Variants in ARHGEF3 observed in about 807,000 individuals in gnomAD.
The protein encoded by ARHGEF3 is 59.8 kDA protein.
ARHGEF3 carries 28 observed loss-of-function variants against 63.2 expected under a neutral mutation model. The ratio of observed to expected loss-of-function variants is 0.44; its 90% CI spans 0.33 to 0.61. ARHGEF3 has a LOEUF of 0.61. Among genes scored for constraint, ARHGEF3 ranks in the 20% least tolerant of loss-of-function variants. The probability of loss-of-function intolerance (pLI) is 0.03; values close to 1 mark genes in which losing one functional copy is unlikely to be tolerated. For synonymous variants in ARHGEF3, 266 were observed against 254.2 expected (o/e 1.05, Z -0.44); for missense variants, 533 against 659.3 (o/e 0.81, Z 2.10).
intron 1 of ARHGEF3, chr3:57,074,640 A>G (rs1469522484): frequency 4.7e-6 from 1 of 213,240 alleles, no homozygotes; most frequent in East Asian, 1.2e-4. Context: ...TCATCTCTTT[A>G]TTGTTTCTAT....
chr3:56,968,256 TATTTA>T (rs1700731280), intron 2 of ARHGEF3, among the ~76,000 whole-genome samples: 52 of 44,662 alleles, frequency 1.2e-3, no homozygotes, highest in South Asian at 5.0e-3. Flanking sequence ...TAATATATAA[TATTTA>T]AATATATAAT....
intron 4 of ARHGEF3, among the ~76,000 whole-genome samples, chr3:56,863,650 G>T (rs1435127887): frequency 6.6e-6 from 1 of 151,308 alleles, no homozygotes; most frequent in African/African-American, 2.4e-5. Context: ...GGCCAGGCTG[G>T]TCTTGAACTC....
intron 2 of ARHGEF3, among the ~76,000 whole-genome samples, chr3:56,967,392 ATAT>A (rs1700566357): frequency 1.6e-5 from 1 of 63,616 alleles, no homozygotes; most frequent in Non-Finnish European, 2.6e-5. Flanking sequence ...TACATATTAT[ATAT>A]TATATAATAT....
intron 2 of ARHGEF3, among the ~76,000 whole-genome samples, chr3:57,025,790 C>T (rs565918204): frequency 1.3e-5 from 2 of 152,308 alleles, no homozygotes; most frequent in South Asian, 2.1e-4. Context: ...CCCTGCCTGT[C>T]CTACTCACCA....
At chr3:56,737,677 C>A (rs568157461) in intron 7 of ARHGEF3, among the ~76,000 whole-genome samples, 2 of 152,072 alleles carry the variant, frequency 1.3e-5, no homozygotes, top group Non-Finnish European at 2.9e-5. Flanking sequence ...TTTCTTAAAA[C>A]GTGCTCACAA....
At position 57,042,688 on chromosome 3, in the gene ARHGEF3, A is replaced by ATTT. The variant is rs1560156283; in HGVS notation, c.-27-7513_-27-7512insAAA. Reference sequence around the variant, plus strand: ...TATATATATATATATATATATATATATATATATATATATTTTTTTTTTTTT... The same window carrying ATTT: ...TATATATATATATATATATATATATATTTTATATATATATATTTTTTTTTTTTT... On this transcript the variant is annotated intron_variant, in intron 1 of 12. Transcript: ENST00000338458. 4.1e-3 allele frequency among the ~76,000 whole-genome samples: 36 copies of ATTT among 8,856 alleles called. 1 individual carries two copies. The highest frequency in any genetic ancestry group is 9.2e-3 in the Admixed American group (5 of 546). The allele number at this position is 8,856 out of a possible 152,430, so 5.8% of individuals were successfully genotyped here. A position where few individuals can be genotyped will look rare whatever the true frequency, so the allele number is the denominator to read the frequency against.
At chr3:56,964,308 G>A (rs922154889) in intron 2 of ARHGEF3, among the ~76,000 whole-genome samples, 4 of 148,888 alleles carry the variant, frequency 2.7e-5, no homozygotes, top group East Asian at 2.0e-4. Context: ...AGCCGAGATC[G>A]TGCCACTGCA....
At chr3:56,985,499 G>A (rs183200406) in intron 2 of ARHGEF3, among the ~76,000 whole-genome samples, 10 of 152,346 alleles carry the variant, frequency 6.6e-5, no homozygotes, top group Non-Finnish European at 1.2e-4. Flanking sequence ...GCTACAGGGC[G>A]ACAATGTGAC....
At chr3:56,848,351 A>C (rs2108135695) in intron 4 of ARHGEF3, among the ~76,000 whole-genome samples, 1 of 152,306 alleles carries the variant, frequency 6.6e-6, no homozygotes, top group East Asian at 1.9e-4. Flanking sequence ...AATCAACTCT[A>C]GGCTATGCCA....
intron 3 of ARHGEF3, among the ~76,000 whole-genome samples, chr3:56,931,254 G>A (rs2042403140): frequency 6.6e-6 from 1 of 152,174 alleles, no homozygotes; most frequent in African/African-American, 2.4e-5. Context: ...GAAACATACT[G>A]TTGGGTGGAA....
At chr3:57,018,142 G>A (rs989647114) in intron 2 of ARHGEF3, among the ~76,000 whole-genome samples, 2 of 152,090 alleles carry the variant, frequency 1.3e-5, no homozygotes, top group Non-Finnish European at 2.9e-5. Flanking sequence ...AGCTGGGCGT[G>A]GTGGCATATG....
chr3:56,826,410 G>T (rs1332663397), intron 4 of ARHGEF3, among the ~76,000 whole-genome samples: 2 of 152,060 alleles, frequency 1.3e-5, no homozygotes, highest in Non-Finnish European at 2.9e-5. Flanking sequence ...CACTATTCAG[G>T]ATTTATATTA....
chr3:57,044,470 A>T (rs1014999438), intron 1 of ARHGEF3, among the ~76,000 whole-genome samples: 2 of 152,200 alleles, frequency 1.3e-5, no homozygotes, highest in South Asian at 4.1e-4. Flanking sequence ...CAGTGTCAAG[A>T]TACCCCAGTG....
chr3:57,078,943 G>A, intron 1 of ARHGEF3: 1 of 309,832 alleles, frequency 3.2e-6, no homozygotes, highest in Non-Finnish European at 5.9e-6. Flanking sequence ...GGCTAGTCGA[G>A]GCTGGCGGTG....
At position 57,037,217 on chromosome 3, in the gene ARHGEF3, GGGACTTGAGTTCAGAGTCCCGGA is replaced by G. The variant is rs763033414; in HGVS notation, c.-27-2064_-27-2042del. Reference sequence around the variant, plus strand: ...GAAGAAGAAAAGATGGAAGGGTGGTGGGACTTGAGTTCAGAGTCCCGGAGTTGCCACTGCATCCACAAAGGGTA... The same window carrying G: ...GAAGAAGAAAAGATGGAAGGGTGGTGGTTGCCACTGCATCCACAAAGGGTA... On this transcript the variant is annotated intron_variant, in intron 1 of 12. Transcript: ENST00000338458. 6.8e-4 allele frequency among the ~76,000 whole-genome samples: 104 copies of G among 152,286 alleles called. 1 individual carries two copies. The highest frequency in any genetic ancestry group is 2.1e-3 in the African/African-American group (87 of 41,550).
chr3:57,064,497 A>AT (rs1305232165), intron 1 of ARHGEF3, among the ~76,000 whole-genome samples: 2 of 151,960 alleles, frequency 1.3e-5, no homozygotes, highest in Non-Finnish European at 2.9e-5. Flanking sequence ...AAATTGCTGT[A>AT]TTTTTTGTAG....
intron 1 of ARHGEF3, among the ~76,000 whole-genome samples, chr3:56,789,935 C>T (rs1273729004): frequency 6.6e-6 from 1 of 152,124 alleles, no homozygotes; most frequent in African/African-American, 2.4e-5. Flanking sequence ...TCAGAAGGAT[C>T]AGATAATTTA....
intron 4 of ARHGEF3, among the ~76,000 whole-genome samples, chr3:56,834,565 G>C (rs2039044741): frequency 2.0e-5 from 3 of 152,020 alleles, no homozygotes; most frequent in Non-Finnish European, 4.4e-5. Flanking sequence ...GGGAGTTTGA[G>C]ACCATCAAAC....
intron 1 of ARHGEF3, among the ~76,000 whole-genome samples, chr3:56,780,381 CA>C (rs1430882560): frequency 6.6e-6 from 1 of 152,186 alleles, no homozygotes; most frequent in Non-Finnish European, 1.5e-5. Flanking sequence ...AGAAGAGTTG[CA>C]AAATTAGTAG....
Sources: allele counts gnomAD v4.1 joint callset (sites outside exome capture counted in the v4.1 genomes callset), GRCh38; gene constraint gnomAD v4.1.1; transcripts MANE v1.5; gene names NCBI Gene and HGNC (gene_info 2026-07-23, HGNC 2026-07-21).